The following RAG1 variants were observed in gnomAD, a reference collection of about 807,000 sequenced individuals.
RAG1 encodes recombination activating 1.
RAG1 carries 35 observed loss-of-function variants against 62.7 expected under a neutral mutation model. The ratio of observed to expected loss-of-function variants is 0.56; its 90% CI spans 0.43 to 0.74. The LOEUF (loss-of-function observed/expected upper bound fraction) is 0.74, where lower values mean the gene tolerates loss of function less well. Among genes scored for constraint, RAG1 ranks in the 30% least tolerant of loss-of-function variants. The probability of loss-of-function intolerance (pLI) is 0.00; values close to 1 mark genes in which losing one functional copy is unlikely to be tolerated. For missense variants in RAG1, 1,169 were observed against 1,278.6 expected (o/e 0.91, Z 1.31); for synonymous variants, 461 against 470.3 (o/e 0.98, Z 0.26).
rs199474687 is a variant in RAG1, at chr11:36,575,562, A to G, written c.2258A>G (p.His753Arg). 20 of 1,614,214 alleles carry G rather than the reference A, an allele frequency of 1.2e-5. No individual in the cohort carries two copies. Among genetic ancestry groups the G allele is most frequent in the East Asian group, 2.2e-5 (1 of 44,876 alleles). Residue 753 changes from histidine to arginine, a missense_variant, in exon 2 of 2, where the codon CAT becomes CGT. Transcript: ENST00000299440. The surrounding 1 kb of genome is among the most constrained non-coding windows in gnomAD (Gnocchi z 4.1). ...NLVFHSITRS[H>R]AENLERYEVW... The stretch of plus-strand genomic sequence containing the variant: ...GTCTTCCACTCTATAACCAGAAGCC[A>G]TGCTGAGAACCTGGAACGTTATGAG...
chr11:36,541,376 A>G (rs576015313), intron 3 of RAG1, among the ~76,000 whole-genome samples: 3 of 152,206 alleles, frequency 2.0e-5, no homozygotes, highest in Admixed American at 6.5e-5. Context: ...ATGATTTCAG[A>G]TGGTGCACAA....
intron 2 of RAG1, among the ~76,000 whole-genome samples, chr11:36,531,579 T>A (rs2133256376): frequency 6.6e-6 from 1 of 152,072 alleles, no homozygotes; most frequent in East Asian, 1.9e-4. Flanking sequence ...TTTTACTAAT[T>A]TGAGCGTAAT....
chr11:36,528,784 T>A lies in RAG1; in HGVS notation n.429-7175T>A, dbSNP rs1860206561. Among the ~76,000 whole-genome samples, 3 of 151,266 alleles carry A rather than the reference T, an allele frequency of 2.0e-5. No homozygotes were observed. In the South Asian group the frequency reaches 6.2e-4, roughly 31 times the overall value. On this transcript the variant is annotated intron_variant and non_coding_transcript_variant, in intron 2 of 2. Transcript: ENST00000529126. ...AAGAAGAAAAGAGAGAAGAATCAAA[T>A]AGACACAATAAAAAATGATAAAGGG...
intron 2 of RAG1, among the ~76,000 whole-genome samples, chr11:36,526,996 T>C (rs1252456389): frequency 6.6e-6 from 1 of 152,248 alleles, no homozygotes; most frequent in African/African-American, 2.4e-5. Flanking sequence ...CTTTGTCAGA[T>C]GGATAGATTG....
At chr11:36,551,601 CTTTTTTTTTTTTT>C (rs199642455) in intron 3 of RAG1, among the ~76,000 whole-genome samples, 2 of 133,196 alleles carry the variant, frequency 1.5e-5, no homozygotes, top group Non-Finnish European at 3.2e-5. Context: ...TTAATTACTT[CTTTTTTTTTTTTT>C]TTTTTATTAT....
Position 36,576,373 on chromosome 11 carries a change from A to G in RAG1, c.3069A>G (p.Ala1023=), listed in dbSNP as rs773893117. The change falls in exon 2 of 2, where the codon GCA becomes GCG. Residue 1023 remains alanine, a synonymous_variant. Transcript: ENST00000299440. ...CTGGGTTTACCATGAACCCTCAGGC[A>G]AGCTTAGGGGACCCATTAGGCATAG... ...KTSGFTMNPQ[A]SLGDPLGIED... The G allele has an allele frequency of 3.7e-6, 6 of 1,614,082 alleles. No homozygotes were observed. The highest frequency in any genetic ancestry group is 3.3e-5 in the Admixed American group (2 of 60,028).
chr11:36,551,862 T>C (rs201962959), intron 3 of RAG1, among the ~76,000 whole-genome samples: 18 of 145,768 alleles, frequency 1.2e-4, no homozygotes, highest in Admixed American at 5.6e-4. Context: ...GCGGTGTTTG[T>C]TTTTTGTTCT....
intron 1 of RAG1, among the ~76,000 whole-genome samples, chr11:36,517,333 C>T (rs906158369): frequency 3.9e-5 from 6 of 152,090 alleles, no homozygotes; most frequent in African/African-American, 1.2e-4. Flanking sequence ...GAAAACTAAT[C>T]CCAATTTATA....
intron 1 of RAG1, among the ~76,000 whole-genome samples, chr11:36,517,651 T>TG (rs1860014079): frequency 6.6e-6 from 1 of 152,238 alleles, no homozygotes; most frequent in African/African-American, 2.4e-5. Context: ...TCATATGGTG[T>TG]GGTCGTTAAT....
chr11:36,568,317 A>G (rs1023920418), intron 1 of RAG1, among the ~76,000 whole-genome samples, 195 bp downstream of exon 1: 7 of 152,146 alleles, frequency 4.6e-5, no homozygotes, highest in Admixed American at 1.3e-4. Context: ...AGGTTCATAG[A>G]AAGATGCAAA....
rs762586430 is a variant in RAG1 at position 36,574,936 on chromosome 11, A to G, written c.1632A>G (p.Leu544=). The part of the protein sequence containing the change: ...DVGIIDGLSG[L]SSSVDDYPVD... ...GCATTATTGATGGGCTGTCTGGACT[A>G]TCATCCTCTGTGGATGATTACCCAG... Residue 544 remains leucine (L), a synonymous_variant, in exon 2 of 2, where the codon CTA becomes CTG. Coordinates refer to ENST00000299440, the MANE Select transcript of RAG1 (RefSeq NM_000448.3). 7.4e-6 allele frequency: 12 copies of G among 1,614,098 alleles called. No individual in the cohort carries two copies. Among genetic ancestry groups the G allele is most frequent in the African/African-American group, 1.3e-5 (1 of 74,926 alleles).
rs561442019 is a variant in RAG1, at chr11:36,551,603, T to A, written c.-411-11782T>A. Among the ~76,000 whole-genome samples, 554 of 79,248 alleles carry A rather than the reference T, an allele frequency of 7.0e-3. 2 individuals carry two copies. Among genetic ancestry groups the A allele is most frequent in the African/African-American group, 0.029 (526 of 17,980 alleles). 52.0% of individuals were successfully genotyped at this position (79,248 alleles called of 152,430 possible). A position where few individuals can be genotyped will look rare whatever the true frequency, so the allele number is the denominator to read the frequency against. ...ACCTCATTTTAACTTAATTACTTCTTTTTTTTTTTTTTTTTTATTATACTC... is the reference window on the plus strand; with the variant it reads ...ACCTCATTTTAACTTAATTACTTCTATTTTTTTTTTTTTTTTATTATACTC... On this transcript the variant is annotated intron_variant and NMD_transcript_variant, in intron 3 of 9. Transcript: ENST00000534663.
At chr11:36,561,521 G>A (rs1321306012) in intron 3 of RAG1, among the ~76,000 whole-genome samples, 2 of 151,992 alleles carry the variant, frequency 1.3e-5, no homozygotes, top group East Asian at 1.9e-4. Context: ...ATTATTCCTC[G>A]GTGTGTCTGT....
chr11:36,535,769 T>A (rs534494687), intron 2 of RAG1, among the ~76,000 whole-genome samples: 2,470 of 151,902 alleles, frequency 0.016, 21 homozygotes, highest in East Asian at 0.035. Flanking sequence ...ATAAATAAAA[T>A]AAATAAATAG....
chr11:36,531,481 G>C (rs1300804915), intron 2 of RAG1, among the ~76,000 whole-genome samples: 2 of 151,406 alleles, frequency 1.3e-5, no homozygotes, highest in Non-Finnish European at 3.0e-5. Flanking sequence ...TTTTTGTATA[G>C]ATTTTTAACG....
At chr11:36,566,143 A>G (rs368882962), upstream of RAG1, among the ~76,000 whole-genome samples, 30 of 152,310 alleles carry the variant, frequency 2.0e-4, 1 homozygote, top group Middle Eastern at 6.8e-3. Flanking sequence ...CACCTTCACC[A>G]TTCTTTGATG....
intron 3 of RAG1, among the ~76,000 whole-genome samples, chr11:36,541,809 T>C (rs1187541145): frequency 1.3e-5 from 2 of 152,238 alleles, no homozygotes; most frequent in African/African-American, 2.4e-5. Context: ...ATAAGTCAAA[T>C]ACTTGAAGAG....
At chr11:36,515,412 T>C (rs1859982530) in intron 1 of RAG1, 1 of 152,158 alleles carries the variant, frequency 6.6e-6, no homozygotes, top group Non-Finnish European at 1.5e-5. Context: ...ATTTTGGAGA[T>C]GGCCTGATGT....
At chr11:36,568,589 C>A (rs964286953) in intron 1 of RAG1, among the ~76,000 whole-genome samples, 3 of 152,190 alleles carry the variant, frequency 2.0e-5, no homozygotes, top group Non-Finnish European at 2.9e-5. Context: ...AATATTCACT[C>A]ATTTTAGAAT....
Sources: gnomAD v4.1 joint callset for allele counts (sites outside exome capture counted in the v4.1 genomes callset) on GRCh38, gnomAD v4.1.1 for gene constraint, Gnocchi (gnomAD v3.1) non-coding constraint, MANE v1.5 for transcripts, NCBI Gene and HGNC (gene_info 2026-07-23, HGNC 2026-07-21) for gene names.